Variants in AFF1 observed in about 807,000 individuals in gnomAD.
AFF1 encodes the protein AF4/FMR2 family member 1.
Under a neutral mutation model 121.7 loss-of-function variants are expected in AFF1, and 48 were observed. The observed-to-expected ratio is 0.39, with a 90% CI of 0.31 to 0.50. The LOEUF (loss-of-function observed/expected upper bound fraction) is 0.50, where lower values mean the gene tolerates loss of function less well. Among genes scored for constraint, AFF1 ranks in the 20% least tolerant of loss-of-function variants. The pLI, the probability that AFF1 is intolerant of heterozygous loss-of-function variation, is 0.76. For missense variants in AFF1, 1,523 were observed against 1,511.7 expected, an observed-to-expected ratio of 1.01 and a Z score of -0.12; for synonymous variants, 613 against 563.0, an observed-to-expected ratio of 1.09 and a Z score of -1.26.
rs1017355227 is a variant in AFF1 at position 87,018,023 on chromosome 4, GGA to G, written c.39-28139_39-28138del. On this transcript the variant is annotated intron_variant, in intron 2 of 20. Transcript: ENST00000395146. ...AGCCTTTCAAGTGTTCTTTCAACTTGGAGAGCCTCAATGCATTGTGGCAAGTT... is the reference window on the plus strand; with the variant it reads ...AGCCTTTCAAGTGTTCTTTCAACTTGGAGCCTCAATGCATTGTGGCAAGTT... 6.6e-5 allele frequency among the ~76,000 whole-genome samples: 10 copies of G among 151,908 alleles called. No individual in the cohort carries two copies. The South Asian group carries it at 1.7e-3, about 25-fold the overall frequency.
rs1730845679 is a variant in AFF1, at chr4:87,047,612, T to C, written c.1059+18T>C. 2 of 1,613,748 alleles carry C rather than the reference T, an allele frequency of 1.2e-6. No individual in the cohort carries two copies. Among genetic ancestry groups the C allele is most frequent in the African/African-American group, 1.3e-5 (1 of 74,884 alleles). ...CAGTTGAGGTGTGTGGAATTTCTTA[T>C]CTTGGGGAATTCCAATTCGAAGACG... On this transcript the variant is annotated intron_variant, in intron 4 of 20. Transcript: ENST00000395146.
At chr4:87,072,350 G>C (rs770431541) in intron 4 of AFF1, among the ~76,000 whole-genome samples, 18 of 125,584 alleles carry the variant, frequency 1.4e-4, no homozygotes, top group Admixed American at 9.5e-4. Context: ...GCAACAGAGC[G>C]AGACTCCGTC....
chr4:86,948,923 C>T (rs1047177343), intron 2 of AFF1, among the ~76,000 whole-genome samples: 2 of 151,980 alleles, frequency 1.3e-5, no homozygotes, highest in African/African-American at 4.8e-5. Context: ...TAAACAAATC[C>T]ATCTCATCCT....
intron 8 of AFF1, among the ~76,000 whole-genome samples, chr4:87,098,414 C>T (rs766173608): frequency 3.9e-5 from 6 of 152,110 alleles, no homozygotes; most frequent in Non-Finnish European, 7.4e-5. Context: ...CTTTCCAAGG[C>T]TTAGATCTGT....
At chr4:87,078,698 G>T (rs1057096012) in intron 4 of AFF1, among the ~76,000 whole-genome samples, 1 of 152,146 alleles carries the variant, frequency 6.6e-6, no homozygotes, top group Admixed American at 6.5e-5. Flanking sequence ...AGCGAGTTGG[G>T]GGTAGATGAG....
intron 4 of AFF1, among the ~76,000 whole-genome samples, chr4:87,050,914 G>T (rs1197273928): frequency 6.6e-6 from 1 of 152,188 alleles, no homozygotes; most frequent in Non-Finnish European, 1.5e-5. Flanking sequence ...GAGAAGCCGT[G>T]GCATCTCTGT....
At chr4:87,133,596 C>A (rs1729038212) in intron 19 of AFF1, among the ~76,000 whole-genome samples, 2 of 152,142 alleles carry the variant, frequency 1.3e-5, no homozygotes, top group African/African-American at 4.8e-5. Flanking sequence ...TACTGAGCAC[C>A]TTCTTCATAC....
At chr4:87,102,895 C>A (rs569381280) in intron 8 of AFF1, among the ~76,000 whole-genome samples, 1 of 152,160 alleles carries the variant, frequency 6.6e-6, no homozygotes, top group Non-Finnish European at 1.5e-5. Context: ...ACGACTGATT[C>A]TTCACATATA....
intron 1 of AFF1, chr4:86,936,548 A>C (rs1720014700): frequency 6.6e-6 from 1 of 152,224 alleles, no homozygotes; most frequent in African/African-American, 2.4e-5. Flanking sequence ...GATAAAAGTC[A>C]CGAAAAAGAC....
chr4:87,055,231 AGG>A (rs1719992136), intron 4 of AFF1, among the ~76,000 whole-genome samples: 1 of 152,226 alleles, frequency 6.6e-6, no homozygotes, highest in Non-Finnish European at 1.5e-5. Context: ...TAAACTCTGA[AGG>A]AAACTTTTTA....
At chr4:87,027,783 G>GT (rs1728665851) in intron 2 of AFF1, among the ~76,000 whole-genome samples, 2 of 136,236 alleles carry the variant, frequency 1.5e-5, no homozygotes, top group Admixed American at 7.5e-5. Context: ...GTTGCTGTTG[G>GT]GTTTTTTTTT....
At chr4:87,119,531 A>C (rs189612897) in intron 12 of AFF1, among the ~76,000 whole-genome samples, 1 of 152,294 alleles carries the variant, frequency 6.6e-6, no homozygotes, top group African/African-American at 2.4e-5. Flanking sequence ...TGATTGAGTC[A>C]CTGCACTCCA....
chr4:86,941,374 C>T lies in AFF1; in HGVS notation c.-37+6134C>T, dbSNP rs553754647. Among the ~76,000 whole-genome samples, 59 of 151,842 alleles carry T rather than the reference C, an allele frequency of 3.9e-4. 1 individual carries two copies. Among genetic ancestry groups the T allele is most frequent in the Middle Eastern group, 3.4e-3 (1 of 292 alleles). On this transcript the variant is annotated intron_variant, in intron 1 of 20. Coordinates refer to ENST00000395146, the MANE Select transcript of AFF1 (RefSeq NM_001166693.3). ...AAAGTTTTTTTAAAAAATAGCCAGG[C>T]GGGCCGGCCGCAGTGGGTCACGCCT... is the stretch of plus-strand genomic sequence containing the variant.
intron 4 of AFF1, among the ~76,000 whole-genome samples, chr4:87,056,550 G>A (rs1262906321): frequency 6.6e-6 from 1 of 152,208 alleles, no homozygotes; most frequent in East Asian, 1.9e-4. Context: ...TCGAGAACAT[G>A]GGAACTTGTG....
rs563822807 is a variant in AFF1 at position 87,074,680 on chromosome 4, G to A, written c.1060-9440G>A. ...TAATATGTACTGAAAACATTTCTGC[G>A]TATAAAACATCAACACTGAATTGTA... On this transcript the variant is annotated intron_variant, in intron 4 of 20. Coordinates refer to ENST00000395146, the MANE Select transcript of AFF1 (RefSeq NM_001166693.3). 5.3e-5 allele frequency among the ~76,000 whole-genome samples: 8 copies of A among 152,258 alleles called. No individual in the cohort carries two copies. In the South Asian group the frequency reaches 1.2e-3, roughly 24 times the overall value.
At chr4:87,089,018 C>T (rs114063859) in intron 5 of AFF1, among the ~76,000 whole-genome samples, 3,055 of 152,276 alleles carry the variant, frequency 0.02, 109 homozygotes, top group African/African-American at 0.07. Context: ...GCTGGGATTA[C>T]AGGTGTGAGC....
chr4:86,990,752 G>C (rs1724636846), intron 2 of AFF1, among the ~76,000 whole-genome samples: 1 of 152,212 alleles, frequency 6.6e-6, no homozygotes, highest in Non-Finnish European at 1.5e-5. Flanking sequence ...ATTCAACTCT[G>C]AGAATAAATG....
chr4:87,116,585 T>C (rs1578285952), intron 12 of AFF1, among the ~76,000 whole-genome samples: 1 of 152,248 alleles, frequency 6.6e-6, no homozygotes, highest in Admixed American at 6.5e-5. Flanking sequence ...CCTGCTGTCA[T>C]GTCTGAGATT....
intron 2 of AFF1, among the ~76,000 whole-genome samples, chr4:87,034,314 G>C (rs1275417853): frequency 6.6e-6 from 1 of 152,200 alleles, no homozygotes; most frequent in Non-Finnish European, 1.5e-5. Context: ...TGGGAATGGG[G>C]CCTTGTTGGC....
Sources: allele counts gnomAD v4.1 joint callset (sites outside exome capture counted in the v4.1 genomes callset), GRCh38; gene constraint gnomAD v4.1.1; transcripts MANE v1.5; gene names NCBI Gene and HGNC (gene_info 2026-07-23, HGNC 2026-07-21).